The following OGG1 variants were observed in gnomAD, a reference collection of about 807,000 sequenced individuals.
The protein encoded by OGG1 is N-glycosylase/DNA lyase.
In OGG1, 35 loss-of-function variants were observed where a neutral mutation model predicts 42.3. The observed-to-expected ratio is 0.83, with a 90% CI of 0.63 to 1.10. The LOEUF (loss-of-function observed/expected upper bound fraction) is 1.10, where lower values mean the gene tolerates loss of function less well. OGG1 is among the 50% of genes least tolerant of loss of function. The pLI, the probability that OGG1 is intolerant of heterozygous loss-of-function variation, is 0.00. For synonymous variants in OGG1, 189 were observed against 179.0 expected (o/e 1.06, Z -0.44); for missense variants, 484 against 446.7 (o/e 1.08, Z -0.75).
rs1440480249 is a variant in OGG1 at position 9,756,491 on chromosome 3, G to A, written c.768G>A (p.Leu256=). 1.9e-6 allele frequency: 3 copies of A among 1,614,062 alleles called. No homozygotes were observed. In the African/African-American group the frequency reaches 4.0e-5, roughly 22 times the overall value. ...VGTKVADCIC[L]MALDKPQAVP... is the part of the protein sequence containing the mutation. ...CAAAGGTGGCTGACTGCATCTGCCT[G>A]ATGGCCCTAGACAAGCCCCAGGCTG... Residue 256 remains leucine, a synonymous_variant, in exon 5 of 7, where the codon CTG becomes CTA. Transcript: ENST00000344629.
chr3:9,787,490 G>A (rs558997243), intron 3 of OGG1: 1 of 1,161,348 alleles, frequency 8.6e-7, no homozygotes, highest in Non-Finnish European at 1.2e-6. Flanking sequence ...GTACAACGAA[G>A]ATAAAACCTG....
intron 3 of OGG1, among the ~76,000 whole-genome samples, chr3:9,782,094 T>A (rs2078482566): frequency 6.6e-6 from 1 of 152,094 alleles, no homozygotes; most frequent in Admixed American, 6.5e-5. Flanking sequence ...CACCTCAGTC[T>A]CCCAAAGTGC....
chr3:9,765,683 C>G (rs554776560), intron 7 of OGG1: 155 of 1,532,352 alleles, frequency 1.0e-4, no homozygotes, highest in Admixed American at 3.4e-4. Context: ...ATGATTTGTC[C>G]AAAGCAGGAA....
At position 9,756,636 on chromosome 3, in the gene OGG1, C is replaced by T. The variant is rs1384489003; in HGVS notation, c.898+15C>T. ...CAAGGAACTGGGTGAGGAAAGTGGG[C>T]TGCAGGGGCTGGCAGTGGGCTGGGA... is the stretch of plus-strand genomic sequence containing the variant. On this transcript the variant is annotated intron_variant, in intron 5 of 6. Transcript: ENST00000344629. 1.9e-6 allele frequency: 3 copies of T among 1,612,496 alleles called. No homozygotes were observed. Among genetic ancestry groups the T allele is most frequent in the Non-Finnish European group, 2.5e-6 (3 of 1,178,554 alleles).
rs113561019 is a variant in OGG1, at chr3:9,756,791, G to T, written c.923G>T (p.Gly308Val). ...ELGNFFRSLW[G>V]PYAGWAQAVL... ...GGAAACTTTTTCCGGAGCCTGTGGG[G>T]ACCTTATGCTGGCTGGGCCCAAGCG... Residue 308 changes from glycine to valine, a missense_variant, in exon 6 of 7, where the codon GGA (glycine) becomes GTA (valine). Physicochemically the swap from Gly to Val is moderately radical, Grantham distance 109 (BLOSUM62 -3). Transcript: ENST00000344629. The T allele has an allele frequency of 1.2e-6, 2 of 1,614,072 alleles. No individual in the cohort carries two copies. The highest frequency in any genetic ancestry group is 1.7e-5 in the Admixed American group (1 of 60,014).
chr3:9,787,596 A>G (rs2078646048), intron 3 of OGG1: 3 of 1,088,880 alleles, frequency 2.8e-6, no homozygotes, highest in Non-Finnish European at 3.8e-6. Flanking sequence ...AAGGTGCAGA[A>G]TACGTACACA....
At chr3:9,758,795 A>C, downstream of OGG1, 1 of 253,086 alleles carries the variant, frequency 4.0e-6, no homozygotes, top group Non-Finnish European at 7.8e-6. Context: ...ATGTGTGGCT[A>C]ATTCTTTTAT....
Position 9,765,084 on chromosome 3 carries a change from G to A in OGG1, c.1049-725G>A, listed in dbSNP as rs187868627. On this transcript the variant is annotated intron_variant, in intron 7 of 7. Transcript: ENST00000302008. ...TCTACTAAAAATACAAAAATTAGCC[G>A]GGCGTGGTGGCAGGTGCCTGTAATC... Among the ~76,000 whole-genome samples, 527 of 151,736 alleles carry A rather than the reference G, an allele frequency of 3.5e-3. 7 individuals are homozygous for A. The highest frequency in any genetic ancestry group is 0.023 in the Admixed American group (354 of 15,234).
chr3:9,756,589 A>G lies in OGG1; in HGVS notation c.866A>G (p.Lys289Arg). The change falls in exon 5 of 7, where the codon AAG (lysine) becomes AGG (arginine). Residue 289 changes from lysine to arginine, a missense_variant. Transcript: ENST00000344629. Reference sequence around the variant, plus strand: ...TGGCACCCTACCACGTCCCAGGCGAAGGGACCGAGCCCCCAGACCAACAAG... The same window carrying G: ...TGGCACCCTACCACGTCCCAGGCGAGGGGACCGAGCCCCCAGACCAACAAG... Reference protein sequence around the residue: ...YSWHPTTSQAKGPSPQTNKEL... With the variant: ...YSWHPTTSQARGPSPQTNKEL... The G allele has an allele frequency of 6.2e-7, 1 of 1,614,194 alleles. No individual in the cohort carries two copies. The highest frequency in any genetic ancestry group is 8.5e-7 in the Non-Finnish European group (1 of 1,180,012).
rs12107396 is a variant in OGG1, at chr3:9,784,222, G to A, written c.382+2622G>A. 1.5e-4 allele frequency: 234 copies of A among 1,599,956 alleles called. 1 individual carries two copies. Among genetic ancestry groups the A allele is most frequent in the African/African-American group, 1.2e-3 (86 of 74,752 alleles). ...ACTTAGTATGCGGCACACTGCAGCGGGAGGCAGGCCCGTCAGACTCAAGAG... is the reference window on the plus strand; with the variant it reads ...ACTTAGTATGCGGCACACTGCAGCGAGAGGCAGGCCCGTCAGACTCAAGAG... On this transcript the variant is annotated intron_variant, in intron 3 of 3. Coordinates refer to the OGG1 transcript ENST00000426518.
chr3:9,750,748 G>GA (rs2077263340), intron 1 of OGG1, 197 bp from the exon 2 acceptor site: 2 of 754,888 alleles, frequency 2.6e-6, no homozygotes, highest in African/African-American at 1.7e-5. Flanking sequence ...GAGTAGCTGG[G>GA]ACTACAGGTG....
intron 3 of OGG1, 44 bp from the exon 4 acceptor site, chr3:9,754,660 A>T: frequency 6.2e-7 from 1 of 1,605,224 alleles, no homozygotes; most frequent in Non-Finnish European, 8.5e-7. Context: ...GACAGGAAGA[A>T]CTTGAAGATG....
At chr3:9,764,617 G>GTTTTTTTTT (rs202012854) in intron 7 of OGG1, among the ~76,000 whole-genome samples, 1 of 93,432 alleles carries the variant, frequency 1.1e-5, no homozygotes, top group Admixed American at 1.2e-4. Flanking sequence ...TGGCGTTTTT[G>GTTTTTTTTT]TTTTTTTTTT....
At chr3:9,753,793 C>G (rs560157758) in intron 3 of OGG1, among the ~76,000 whole-genome samples, 1 of 152,284 alleles carries the variant, frequency 6.6e-6, no homozygotes, top group South Asian at 2.1e-4. Flanking sequence ...TCTAGAAGGG[C>G]TTTGGGAGTG....
At chr3:9,785,432 G>A (rs1319023900) in intron 3 of OGG1, 2 of 1,599,986 alleles carry the variant, frequency 1.3e-6, no homozygotes, top group East Asian at 4.5e-5. Flanking sequence ...TTTCCTAGAA[G>A]ACCACAAAAA....
At chr3:9,760,584 AGACCGC>A, downstream of OGG1, 1 of 1,510,026 alleles carries the variant, frequency 6.6e-7, no homozygotes, top group South Asian at 1.1e-5. Context: ...GGCAGGAGGG[AGACCGC>A]CCCCAAAGCA....
downstream of OGG1, chr3:9,760,636 A>G (rs767556194): frequency 1.2e-6 from 2 of 1,613,348 alleles, no homozygotes; most frequent in Non-Finnish European, 1.7e-6. Context: ...CCCAGGGGAA[A>G]AAAGCAAAGC....
chr3:9,777,797 T>G (rs2078383929), intron 2 of OGG1, among the ~76,000 whole-genome samples: 1 of 152,218 alleles, frequency 6.6e-6, no homozygotes, highest in African/African-American at 2.4e-5. Flanking sequence ...CTTGGAACTC[T>G]CTACCAACAA....
At chr3:9,759,812 G>T (rs747857371), downstream of OGG1, 5 of 1,613,358 alleles carry the variant, frequency 3.1e-6, no homozygotes, top group Admixed American at 8.3e-5. Flanking sequence ...TACTCCCCAA[G>T]AGCATACCCA....
Sources: gnomAD v4.1 joint callset for allele counts (sites outside exome capture counted in the v4.1 genomes callset) on GRCh38, gnomAD v4.1.1 for gene constraint, MANE v1.5 for transcripts, NCBI Gene and HGNC (gene_info 2026-07-23, HGNC 2026-07-21) for gene names.